Variants in ALG12 observed in about 807,000 individuals in gnomAD.
ALG12 encodes ALG12 alpha-1,6-mannosyltransferase.
A neutral mutation model predicts 46.0 loss-of-function variants in ALG12; 36 were observed. The ratio of observed to expected loss-of-function variants is 0.78; its 90% confidence interval spans 0.60 to 1.03. ALG12 has a LOEUF of 1.03. Among genes scored for constraint, ALG12 ranks in the 50% least tolerant of loss-of-function variants. ALG12 has a pLI of 0.00. For synonymous variants in ALG12, 326 were observed against 291.6 expected (o/e 1.12, Z -1.20); for missense variants, 599 against 633.5 (o/e 0.95, Z 0.58).
Position 49,907,187 on chromosome 22 carries a change from G to A in ALG12, c.992+534C>T, listed in dbSNP as rs141100913. ...CCCGAGGCCCTGTCAGGATGGCCAC[G>A]AACGCCCTTCCTCTACCTGACCTGT... On this transcript the variant is annotated intron_variant, in intron 7 of 9. Transcript: ENST00000330817. Among the ~76,000 whole-genome samples the A allele has an allele frequency of 3.9e-4, 59 of 152,238 alleles. 1 individual carries two copies. In the Middle Eastern group the frequency reaches 0.01, roughly 26 times the overall value.
intron 3 of ALG12, among the ~76,000 whole-genome samples, chr22:49,911,980 C>T (rs566385427): frequency 1.6e-3 from 240 of 152,266 alleles, no homozygotes; most frequent in African/African-American, 5.5e-3. Context: ...CGATCAGCCT[C>T]GGCTGCGGGA....
chr22:49,912,099 C>A (rs2060581402), intron 3 of ALG12, among the ~76,000 whole-genome samples: 1 of 144,250 alleles, frequency 6.9e-6, no homozygotes, highest in African/African-American at 2.6e-5. Flanking sequence ...GCCCCGGGAT[C>A]ACCCTCGGCC....
chr22:49,884,719 T>G, the ALG12 span: 1 of 1,595,128 alleles, frequency 6.3e-7, no homozygotes, highest in Non-Finnish European at 8.6e-7. Flanking sequence ...GCCACTGTAC[T>G]CCACCCCTCC....
the ALG12 span, among the ~76,000 whole-genome samples, chr22:49,881,083 G>T: frequency 1.3e-5 from 2 of 151,936 alleles, no homozygotes; most frequent in Non-Finnish European, 2.9e-5. Flanking sequence ...CAGTGGCTCA[G>T]GCCTGTAAAC....
rs1327015582 is a variant in ALG12, at chr22:49,908,626, TG to T, written c.768+617del. Among the ~76,000 whole-genome samples the T allele has an allele frequency of 1.4e-5, 2 of 145,912 alleles. 1 individual carries two copies. The highest frequency in any genetic ancestry group is 3.0e-5 in the Non-Finnish European group (2 of 67,038). Reference sequence around the variant, plus strand: ...GCTGTTCCATCTATGCGTGTATGTTTGACATAATTCCTAAGAAAGCACTTTT... The same window carrying T: ...GCTGTTCCATCTATGCGTGTATGTTTACATAATTCCTAAGAAAGCACTTTT... On this transcript the variant is annotated intron_variant, in intron 6 of 9. Coordinates refer to ENST00000330817, the MANE Select transcript of ALG12 (RefSeq NM_024105.4).
At chr22:49,885,271 A>C in the ALG12 span, 14 of 1,596,892 alleles carry the variant, frequency 8.8e-6, no homozygotes, top group African/African-American at 1.7e-4. Context: ...TTCCTCTTCC[A>C]AATTGACTGA....
the ALG12 span, among the ~76,000 whole-genome samples, chr22:49,871,995 CG>C: frequency 6.6e-6 from 1 of 152,076 alleles, no homozygotes; most frequent in Non-Finnish European, 1.5e-5. Context: ...CCGCCTGCCT[CG>C]GCCTACCAAA....
At chr22:49,861,959 CCT>C in the ALG12 span, among the ~76,000 whole-genome samples, 1 of 152,098 alleles carries the variant, frequency 6.6e-6, no homozygotes, top group Non-Finnish European at 1.5e-5. Flanking sequence ...CCCGCACAGG[CCT>C]GCACCCTGTC....
the ALG12 span, among the ~76,000 whole-genome samples, chr22:49,891,977 A>C: frequency 6.6e-6 from 1 of 152,168 alleles, no homozygotes; most frequent in Non-Finnish European, 1.5e-5. Flanking sequence ...ATATTTTTAA[A>C]AAGAGCTTTT....
the ALG12 span, chr22:49,884,894 T>G: frequency 1.9e-6 from 3 of 1,603,364 alleles, no homozygotes; most frequent in Non-Finnish European, 2.6e-6. Flanking sequence ...ATGGAAGACG[T>G]GGCGGCCTTC....
intron 1 of ALG12, among the ~76,000 whole-genome samples, chr22:49,916,003 T>C (rs184008273): frequency 1.8e-4 from 27 of 152,314 alleles, no homozygotes; most frequent in African/African-American, 5.3e-4. Flanking sequence ...CTCATTCCTG[T>C]AATCCCAGCA....
intron 6 of ALG12, 151 bp from the exon 7 acceptor site, chr22:49,908,095 T>A: frequency 1.3e-6 from 1 of 772,578 alleles, no homozygotes; most frequent in Non-Finnish European, 2.1e-6. Flanking sequence ...CACTCAGGCC[T>A]CAGGCCCCTC....
rs1444597415 is a variant in ALG12, at chr22:49,901,067, C to T, written c.*2771G>A. The T allele has an allele frequency of 6.6e-6, 1 of 152,224 alleles. No homozygotes were observed. Among genetic ancestry groups the T allele is most frequent in the Non-Finnish European group, 1.5e-5 (1 of 68,040 alleles). The allele number at this position is 152,224 out of a possible 1,614,324, so 9.4% of individuals were successfully genotyped here. On this transcript the variant is annotated 3_prime_UTR_variant, in exon 10 of 10. Coordinates refer to ENST00000330817, the MANE Select transcript of ALG12 (RefSeq NM_024105.4). ...CACACAGGCAGAGCATGGCAGGGTT[C>T]CCGCCAGCAAATCTCGTACACTTTG...
intron 7 of ALG12, 129 bp downstream of exon 7, chr22:49,907,592 C>T (rs1024563785): frequency 3.5e-5 from 39 of 1,099,174 alleles, no homozygotes; most frequent in East Asian, 2.1e-4. Flanking sequence ...GTAAGCCCCA[C>T]TCCAGCTGGG....
At chr22:49,860,786 T>C in the ALG12 span, among the ~76,000 whole-genome samples, 1 of 151,560 alleles carries the variant, frequency 6.6e-6, no homozygotes, top group African/African-American at 2.4e-5. Flanking sequence ...AACCTTTTTT[T>C]TTTTTTTTTT....
At chr22:49,882,857 C>A in the ALG12 span, among the ~76,000 whole-genome samples, 2 of 152,230 alleles carry the variant, frequency 1.3e-5, no homozygotes, top group African/African-American at 4.8e-5. Context: ...CACTGTGGTC[C>A]GTTTCCTATT....
chr22:49,895,590 T>C (rs988817903), downstream of ALG12, among the ~76,000 whole-genome samples: 1 of 151,716 alleles, frequency 6.6e-6, no homozygotes, highest in African/African-American at 2.4e-5. Flanking sequence ...AGGCAGTGGT[T>C]GCAGTGAGCT....
the ALG12 span, among the ~76,000 whole-genome samples, chr22:49,871,281 G>GT: frequency 7.1e-6 from 1 of 140,794 alleles, no homozygotes; most frequent in Non-Finnish European, 1.5e-5. Context: ...GAGGTCAGGA[G>GT]TTCGAGACCA....
chr22:49,885,477 G>A, the ALG12 span: 3 of 1,612,620 alleles, frequency 1.9e-6, no homozygotes, highest in Non-Finnish European at 2.5e-6. Context: ...GACATTTACA[G>A]CGGTTCCATA....
Sources: allele counts gnomAD v4.1 joint callset (sites outside exome capture counted in the v4.1 genomes callset), GRCh38; gene constraint gnomAD v4.1.1; transcripts MANE v1.5; gene names NCBI Gene and HGNC (gene_info 2026-07-23, HGNC 2026-07-21).